Variants in ADGRB3 observed in about 807,000 individuals in gnomAD.
The protein encoded by ADGRB3 is brain-specific angiogenesis inhibitor 3.
In ADGRB3, 37 loss-of-function variants were observed where a neutral mutation model predicts 193.4. The ratio of observed to expected loss-of-function variants is 0.19; its 90% CI spans 0.15 to 0.25. The LOEUF (loss-of-function observed/expected upper bound fraction) is 0.25. ADGRB3 is among the 10% of genes least tolerant of loss of function. ADGRB3 has a pLI of 1.00. For synonymous variants in ADGRB3, 690 were observed against 644.2 expected, an observed-to-expected ratio of 1.07 and a Z score of -1.08; for missense variants, 1,637 against 1,852.9, an observed-to-expected ratio of 0.88 and a Z score of 2.14.
chr6:69,170,762 T>C (rs1775251659), intron 17 of ADGRB3, among the ~76,000 whole-genome samples: 1 of 152,164 alleles, frequency 6.6e-6, no homozygotes. Flanking sequence ...CTTGATGAGA[T>C]GGCATTGGAG....
intron 25 of ADGRB3, 119 bp from the exon 26 acceptor site, chr6:69,339,214 G>A (rs1582642080): frequency 7.8e-7 from 1 of 1,276,734 alleles, no homozygotes; most frequent in Non-Finnish European, 1.1e-6. Context: ...CATCTGCTTT[G>A]TGGTTTCCAA....
At chr6:69,144,063 A>G (rs1214839453) in intron 17 of ADGRB3, among the ~76,000 whole-genome samples, 1 of 152,070 alleles carries the variant, frequency 6.6e-6, no homozygotes, top group East Asian at 1.9e-4. Flanking sequence ...TTCCTTCATC[A>G]ATGTTTTATA....
At chr6:68,695,495 T>C (rs1765142048) in intron 3 of ADGRB3, among the ~76,000 whole-genome samples, 1 of 152,062 alleles carries the variant, frequency 6.6e-6, no homozygotes, top group Non-Finnish European at 1.5e-5. Flanking sequence ...ACCAGTCTCT[T>C]ATGCTAGTGT....
intron 17 of ADGRB3, among the ~76,000 whole-genome samples, chr6:69,137,073 TTTTA>T (rs1369857259): frequency 1.6e-3 from 123 of 78,440 alleles, no homozygotes; most frequent in African/African-American, 3.4e-3. Context: ...TTTTTTTTTT[TTTTA>T]ATGGTAAGAT....
chr6:69,385,242 A>G (rs917994275), intron 31 of ADGRB3, among the ~76,000 whole-genome samples: 1 of 152,084 alleles, frequency 6.6e-6, no homozygotes, highest in Non-Finnish European at 1.5e-5. Context: ...TTTAAAAATA[A>G]GCATACTCTT....
intron 30 of ADGRB3, among the ~76,000 whole-genome samples, chr6:69,381,280 T>C (rs978801466): frequency 3.3e-5 from 5 of 151,750 alleles, no homozygotes; most frequent in Admixed American, 1.3e-4. Context: ...TTTTGTATAT[T>C]CCCCCCCAAA....
intron 17 of ADGRB3, among the ~76,000 whole-genome samples, chr6:69,155,557 A>G (rs1483045593): frequency 6.6e-6 from 1 of 152,214 alleles, no homozygotes; most frequent in African/African-American, 2.4e-5. Context: ...TTAAAGGATA[A>G]AGGATTACTA....
chr6:69,130,269 C>T (rs1773969760), intron 17 of ADGRB3, among the ~76,000 whole-genome samples: 1 of 151,870 alleles, frequency 6.6e-6, no homozygotes, highest in Non-Finnish European at 1.5e-5. Flanking sequence ...TTCAAAGGTT[C>T]CACCTCCTAA....
At chr6:69,296,887 A>G (rs968043506) in intron 20 of ADGRB3, among the ~76,000 whole-genome samples, 4 of 152,028 alleles carry the variant, frequency 2.6e-5, no homozygotes, top group African/African-American at 7.2e-5. Flanking sequence ...CCATTTATGT[A>G]TATTGCTTTT....
chr6:68,968,552 C>A (rs962104230), intron 8 of ADGRB3, among the ~76,000 whole-genome samples: 14 of 151,834 alleles, frequency 9.2e-5, no homozygotes, highest in African/African-American at 3.1e-4. Context: ...AAAGATAGTA[C>A]AAGTGAAGCA....
chr6:68,693,029 A>T (rs927755339), intron 3 of ADGRB3, among the ~76,000 whole-genome samples: 1 of 151,630 alleles, frequency 6.6e-6, no homozygotes, highest in Non-Finnish European at 1.5e-5. Flanking sequence ...AATGAAATAC[A>T]AATTATATTT....
At chr6:68,933,780 A>C (rs966982860) in intron 4 of ADGRB3, among the ~76,000 whole-genome samples, 1 of 152,208 alleles carries the variant, frequency 6.6e-6, no homozygotes, top group African/African-American at 2.4e-5. Context: ...AGACATTCAA[A>C]GAAATAAAAT....
intron 6 of ADGRB3, among the ~76,000 whole-genome samples, chr6:68,954,965 TC>T (rs1768031179): frequency 6.6e-6 from 1 of 151,984 alleles, no homozygotes; most frequent in African/African-American, 2.4e-5. Context: ...ACAGGCGTGT[TC>T]AATGGCTTCT....
intron 17 of ADGRB3, among the ~76,000 whole-genome samples, chr6:69,091,190 G>A (rs1772694374): frequency 6.6e-6 from 1 of 152,168 alleles, no homozygotes; most frequent in Non-Finnish European, 1.5e-5. Context: ...CACTGTTGAT[G>A]GGAGTGTAAA....
chr6:69,243,984 G>C (rs903624712), intron 20 of ADGRB3, among the ~76,000 whole-genome samples: 9 of 152,076 alleles, frequency 5.9e-5, no homozygotes, highest in Admixed American at 1.3e-4. Context: ...ATTAGCTTGA[G>C]TCTTAATTGA....
chr6:68,873,566 A>G (rs889739141), intron 3 of ADGRB3, among the ~76,000 whole-genome samples: 4 of 152,148 alleles, frequency 2.6e-5, no homozygotes, highest in Non-Finnish European at 4.4e-5. Flanking sequence ...GTGAGTAAAG[A>G]TTCTGCTTAT....
At chr6:69,176,281 T>C (rs1775420767) in intron 17 of ADGRB3, among the ~76,000 whole-genome samples, 1 of 152,156 alleles carries the variant, frequency 6.6e-6, no homozygotes, top group Non-Finnish European at 1.5e-5. Flanking sequence ...GTTTATCATG[T>C]GTTGCTGTTA....
At chr6:69,038,290 A>G (rs939115297) in intron 13 of ADGRB3, among the ~76,000 whole-genome samples, 4 of 151,908 alleles carry the variant, frequency 2.6e-5, no homozygotes, top group Admixed American at 2.6e-4. Flanking sequence ...ATAAGGTTTG[A>G]ACAACCTTGA....
chr6:69,079,209 GT>G (rs1394854844), intron 17 of ADGRB3, among the ~76,000 whole-genome samples: 3 of 151,876 alleles, frequency 2.0e-5, no homozygotes, highest in Non-Finnish European at 2.9e-5. Context: ...AAACATATTT[GT>G]TTTGTTCTGG....
Sources: gnomAD v4.1 joint callset for allele counts (sites outside exome capture counted in the v4.1 genomes callset) on GRCh38, gnomAD v4.1.1 for gene constraint, MANE v1.5 for transcripts, NCBI Gene and HGNC (gene_info 2026-07-23, HGNC 2026-07-21) for gene names.